ART1: variants seen among roughly 807,000 people sequenced by gnomAD.
ART1 encodes ADP-ribosyltransferase 1.
A neutral mutation model predicts 27.0 loss-of-function variants in ART1; 29 were observed. The observed-to-expected ratio is 1.08, with a 90% CI of 0.80 to 1.47. ART1 has a LOEUF of 1.47. Ranked by LOEUF, ART1 falls within the 40% of genes most tolerant of loss-of-function variation. The pLI is 0.00. For missense variants in ART1, 480 were observed against 423.0 expected (o/e 1.13, Z -1.18); for synonymous variants, 201 against 172.2 (o/e 1.17, Z -1.31).
chr11:3,655,065 A>T (rs999627031), intron 1 of ART1, among the ~76,000 whole-genome samples: 50 of 152,228 alleles, frequency 3.3e-4, no homozygotes, highest in African/African-American at 1.2e-3. Context: ...GTTGACGGCA[A>T]GTGGCTTATC....
Position 3,661,358 on chromosome 11 carries a change from T to A in ART1, c.845-14T>A, listed in dbSNP as rs1028071555. ...CTCCTGAGCCTTTCATTCTTTACTG[T>A]TTCTTTTCTATAGACAAGAAGTGCA... On this transcript the variant is annotated splice_polypyrimidine_tract_variant and intron_variant, in intron 3 of 4. Coordinates refer to ENST00000250693, the MANE Select transcript of ART1 (RefSeq NM_004314.3). 5 of 1,610,554 alleles carry A rather than the reference T, an allele frequency of 3.1e-6. No homozygotes were observed. The African/African-American group carries it at 6.7e-5, about 22-fold the overall frequency.
At chr11:3,651,056 G>C (rs188545731) in intron 1 of ART1, among the ~76,000 whole-genome samples, 22 of 152,010 alleles carry the variant, frequency 1.4e-4, no homozygotes, top group African/African-American at 4.4e-4. Flanking sequence ...ACCAGACAAG[G>C]CTTACAGGTT....
chr11:3,653,360 A>G (rs2077542301), intron 1 of ART1, among the ~76,000 whole-genome samples: 2 of 148,470 alleles, frequency 1.3e-5, no homozygotes, highest in South Asian at 2.2e-4. Context: ...TTCCTGCCTT[A>G]ACTGATGACA....
chr11:3,662,723 A>C (rs972081108), intron 4 of ART1, among the ~76,000 whole-genome samples: 2 of 152,224 alleles, frequency 1.3e-5, no homozygotes, highest in Admixed American at 1.3e-4. Flanking sequence ...GCATGCCTGT[A>C]ATCCCAGCTA....
In ART1 at chr11:3,660,089, G is replaced by A; in HGVS notation, c.570G>A (p.Gly190=). The change falls in exon 3 of 5, where the codon GGG becomes GGA. Residue 190 remains glycine (G), a synonymous_variant. Coordinates refer to ENST00000250693, the MANE Select transcript of ART1 (RefSeq NM_004314.3). ...GVHGLRFRPA[G]PRATVRLGGF... ...ACGGCCTGCGCTTCCGGCCAGCAGG[G>A]CCCCGGGCCACCGTGAGGCTGGGGG... is the stretch of plus-strand genomic sequence containing the variant. 1 of 1,613,652 alleles carries A rather than the reference G, an allele frequency of 6.2e-7. No individual in the cohort carries two copies. Among genetic ancestry groups the A allele is most frequent in the South Asian group, 1.1e-5 (1 of 91,072 alleles).
At chr11:3,659,558 G>A in intron 2 of ART1, 25 bp from the exon 3 acceptor site, 1 of 1,565,072 alleles carries the variant, frequency 6.4e-7, no homozygotes, top group Non-Finnish European at 8.6e-7. Context: ...TATCCTCTCA[G>A]TCCCTGCTAC....
intron 4 of ART1, among the ~76,000 whole-genome samples, chr11:3,663,417 G>A (rs2077637800): frequency 6.6e-6 from 1 of 152,090 alleles, no homozygotes. Flanking sequence ...TTGGGTAGAG[G>A]AGCCAAGTTC....
chr11:3,655,699 A>G (rs1454872379), intron 1 of ART1: 1 of 152,198 alleles, frequency 6.6e-6, no homozygotes, highest in Non-Finnish European at 1.5e-5. Context: ...ACTCGCAGGA[A>G]GGCCTCTGAT....
At chr11:3,647,815 A>G (rs546105999) in intron 1 of ART1, among the ~76,000 whole-genome samples, 1 of 152,128 alleles carries the variant, frequency 6.6e-6, no homozygotes, top group Admixed American at 6.5e-5. Context: ...TTGTATACCA[A>G]TTATACTTCA....
intron 1 of ART1, among the ~76,000 whole-genome samples, chr11:3,656,658 A>G (rs1036616164): frequency 6.6e-6 from 1 of 151,798 alleles, no homozygotes; most frequent in Non-Finnish European, 1.5e-5. Flanking sequence ...GTCCGGATGT[A>G]TTTTTTTATT....
intron 4 of ART1, among the ~76,000 whole-genome samples, chr11:3,661,689 G>T (rs960232794): frequency 3.0e-4 from 45 of 151,934 alleles, no homozygotes; most frequent in African/African-American, 1.0e-3. Context: ...GTAGAGATGG[G>T]GTTTCACCAT....
Position 3,664,287 on chromosome 11 carries a change from A to G in ART1, c.*98A>G. ...TGTAACCAAGATTCCTGTCAATCCCATCTGCAGGGAACTCTGGGACCTTCT... is the reference window on the plus strand; with the variant it reads ...TGTAACCAAGATTCCTGTCAATCCCGTCTGCAGGGAACTCTGGGACCTTCT... On this transcript the variant is annotated 3_prime_UTR_variant, in exon 5 of 5. Coordinates refer to ENST00000250693, the MANE Select transcript of ART1 (RefSeq NM_004314.3). 1 of 1,182,346 alleles carries G rather than the reference A, an allele frequency of 8.5e-7. No individual in the cohort carries two copies. Among genetic ancestry groups the G allele is most frequent in the Non-Finnish European group, 1.2e-6 (1 of 815,274 alleles). The allele number at this position is 1,182,346 out of a possible 1,614,324, so 73.2% of individuals were successfully genotyped here. A position where few individuals can be genotyped will look rare whatever the true frequency, so the allele number is the denominator to read the frequency against.
rs753415447 is a variant in ART1 at position 3,653,194 on chromosome 11, T to C, written c.-52-5968T>C. Among the ~76,000 whole-genome samples the C allele has an allele frequency of 4.0e-4, 60 of 148,756 alleles. 2 individuals are homozygous for C. The highest frequency in any genetic ancestry group is 4.9e-4 in the Non-Finnish European group (33 of 67,944). On this transcript the variant is annotated intron_variant, in intron 1 of 4. Coordinates refer to ENST00000250693, the MANE Select transcript of ART1 (RefSeq NM_004314.3). ...GTCCCAACACTTTACCACTATTTCATTTTATTTTTCTTATTAATATAAGAA... is the reference window on the plus strand; with the variant it reads ...GTCCCAACACTTTACCACTATTTCACTTTATTTTTCTTATTAATATAAGAA...
chr11:3,651,766 T>G (rs1007837185), intron 1 of ART1, among the ~76,000 whole-genome samples: 35 of 151,994 alleles, frequency 2.3e-4, no homozygotes, highest in African/African-American at 7.5e-4. Flanking sequence ...ATTACCATTG[T>G]TCCTGGCCCG....
At chr11:3,661,438 A>T in intron 4 of ART1, 25 bp downstream of exon 4, 3 of 1,590,492 alleles carry the variant, frequency 1.9e-6, no homozygotes, top group East Asian at 4.6e-5. Context: ...CACCTGTGGG[A>T]CTCAGTTCAG....
intron 4 of ART1, among the ~76,000 whole-genome samples, chr11:3,663,347 G>T (rs533958832): frequency 3.5e-4 from 53 of 152,258 alleles, no homozygotes; most frequent in Non-Finnish European, 6.5e-4. Flanking sequence ...TGTAATTCCA[G>T]ATACTGGAAA....
intron 1 of ART1, among the ~76,000 whole-genome samples, chr11:3,656,628 C>A (rs1242325189): frequency 6.6e-6 from 1 of 152,028 alleles, no homozygotes; most frequent in Non-Finnish European, 1.5e-5. Context: ...GTGATCCGCC[C>A]ACCTCAGCCT....
At chr11:3,650,860 C>A (rs979781436) in intron 1 of ART1, among the ~76,000 whole-genome samples, 6 of 132,570 alleles carry the variant, frequency 4.5e-5, no homozygotes, top group African/African-American at 1.3e-4. Context: ...CTTCCTCCTT[C>A]GCGACCGATC....
At chr11:3,657,121 C>T (rs74580791) in intron 1 of ART1, among the ~76,000 whole-genome samples, 3 of 152,314 alleles carry the variant, frequency 2.0e-5, no homozygotes, top group East Asian at 3.9e-4. Flanking sequence ...AAAGCAGCGA[C>T]GCTTAACCTA....
Sources: allele counts gnomAD v4.1 joint callset (sites outside exome capture counted in the v4.1 genomes callset), GRCh38; gene constraint gnomAD v4.1.1; transcripts MANE v1.5; gene names NCBI Gene and HGNC (gene_info 2026-07-23, HGNC 2026-07-21).